EPB41L3: variants seen among roughly 807,000 people sequenced by gnomAD.
EPB41L3 encodes erythrocyte membrane protein band 4.1 like 3.
A neutral mutation model predicts 127.1 loss-of-function variants in EPB41L3; 57 were observed. The ratio of observed to expected loss-of-function variants is 0.45; its 90% CI spans 0.36 to 0.56. The LOEUF is 0.56. EPB41L3 is among the 20% of genes least tolerant of loss of function. The pLI, the probability that EPB41L3 is intolerant of heterozygous loss-of-function variation, is 0.00. For synonymous variants in EPB41L3, 572 were observed against 549.5 expected (o/e 1.04, Z -0.57); for missense variants, 1,273 against 1,372.2 (o/e 0.93, Z 1.14).
chr18:5,395,046 T>C (rs1302411800), intron 21 of EPB41L3, 21 bp downstream of exon 21: 4 of 1,610,938 alleles, frequency 2.5e-6, no homozygotes, highest in South Asian at 1.1e-5. Flanking sequence ...GCCAGGGTAT[T>C]TACCGTCTCA....
chr18:5,606,128 G>A (rs2094649379), intron 3 of EPB41L3, among the ~76,000 whole-genome samples: 1 of 152,106 alleles, frequency 6.6e-6, no homozygotes, highest in Non-Finnish European at 1.5e-5. Flanking sequence ...TTGGTTCTTG[G>A]CCAATTTTTT....
chr18:5,556,460 C>A (rs1206863542), intron 3 of EPB41L3, among the ~76,000 whole-genome samples: 1 of 152,184 alleles, frequency 6.6e-6, no homozygotes, highest in Non-Finnish European at 1.5e-5. Flanking sequence ...GGAGTAGGAA[C>A]ATTTGGTGTT....
intron 3 of EPB41L3, among the ~76,000 whole-genome samples, chr18:5,553,851 G>A (rs567193628): frequency 3.2e-4 from 49 of 152,264 alleles, no homozygotes; most frequent in Admixed American, 1.0e-3. Flanking sequence ...GCCAGATCAC[G>A]TCACTCTTGT....
At chr18:5,506,435 GTCTTCCTTGGCTTAT>G (rs2092208176) in intron 1 of EPB41L3, among the ~76,000 whole-genome samples, 1 of 152,090 alleles carries the variant, frequency 6.6e-6, no homozygotes. Context: ...TGGAACATAT[GTCTTCCTTGGCTTAT>G]TCACCCACTG....
chr18:5,493,849 C>T (rs1364757378), intron 1 of EPB41L3, among the ~76,000 whole-genome samples: 2 of 152,166 alleles, frequency 1.3e-5, no homozygotes, highest in African/African-American at 2.4e-5. Flanking sequence ...CTAGGTGGCA[C>T]CCCTCCTCAT....
At chr18:5,396,170 C>T (rs2073417893) in intron 19 of EPB41L3, 31 bp downstream of exon 19, 1 of 1,613,738 alleles carries the variant, frequency 6.2e-7, no homozygotes. Context: ...AAATAAGCAG[C>T]CAGGGCTCTG....
At chr18:5,523,658 A>AC (rs2148841252) in intron 1 of EPB41L3, among the ~76,000 whole-genome samples, 2 of 152,126 alleles carry the variant, frequency 1.3e-5, no homozygotes, top group South Asian at 4.2e-4. Flanking sequence ...GGTGGCACAT[A>AC]CCTGTAATCC....
At chr18:5,560,087 A>G (rs1472200833) in intron 3 of EPB41L3, among the ~76,000 whole-genome samples, 2 of 152,200 alleles carry the variant, frequency 1.3e-5, no homozygotes, top group African/African-American at 4.8e-5. Context: ...TCCCAATATG[A>G]TTTTGTTTTC....
intron 3 of EPB41L3, among the ~76,000 whole-genome samples, chr18:5,579,669 G>A (rs2094372455): frequency 6.6e-6 from 1 of 152,180 alleles, no homozygotes; most frequent in Non-Finnish European, 1.5e-5. Flanking sequence ...GAGTGACCTT[G>A]TCTATAGGTC....
intron 3 of EPB41L3, among the ~76,000 whole-genome samples, chr18:5,553,533 C>A (rs2093993041): frequency 6.6e-6 from 1 of 152,168 alleles, no homozygotes; most frequent in African/African-American, 2.4e-5. Context: ...AAAAGCTGTG[C>A]CCAAAATGGG....
chr18:5,535,046 CAG>C (rs1258074828), intron 1 of EPB41L3, among the ~76,000 whole-genome samples: 1 of 152,156 alleles, frequency 6.6e-6, no homozygotes, highest in African/African-American at 2.4e-5. Flanking sequence ...CGCCTCCTGT[CAG>C]ATCAGAAGTG....
chr18:5,445,917 C>T (rs574409634), intron 3 of EPB41L3, among the ~76,000 whole-genome samples: 2 of 152,064 alleles, frequency 1.3e-5, no homozygotes, highest in South Asian at 4.2e-4. Context: ...CAGTTTCATC[C>T]CAAAACCATC....
chr18:5,617,473 C>T (rs2094810719), intron 1 of EPB41L3, among the ~76,000 whole-genome samples: 1 of 152,158 alleles, frequency 6.6e-6, no homozygotes, highest in East Asian at 1.9e-4. Context: ...CGCCAGCCAC[C>T]ACACCCGGCT....
intron 1 of EPB41L3, among the ~76,000 whole-genome samples, chr18:5,499,962 C>T (rs1598362919): frequency 2.0e-5 from 3 of 151,862 alleles, no homozygotes; most frequent in Admixed American, 1.3e-4. Flanking sequence ...AAAAAATAAA[C>T]GCTCACTGTT....
intron 16 of EPB41L3, among the ~76,000 whole-genome samples, chr18:5,406,006 A>T (rs1042667533): frequency 2.6e-5 from 4 of 152,204 alleles, no homozygotes; most frequent in African/African-American, 9.6e-5. Flanking sequence ...TGGGTGGATC[A>T]CTTAAGACCT....
At chr18:5,464,833 A>C (rs1221198305) in intron 3 of EPB41L3, among the ~76,000 whole-genome samples, 2 of 152,208 alleles carry the variant, frequency 1.3e-5, no homozygotes, top group Non-Finnish European at 2.9e-5. Flanking sequence ...TCCTCTGCCA[A>C]CGTCCCGAGG....
upstream of EPB41L3, among the ~76,000 whole-genome samples, chr18:5,629,201 T>G (rs968558474): frequency 6.6e-6 from 1 of 151,800 alleles, no homozygotes; most frequent in Admixed American, 6.6e-5. Flanking sequence ...CCCGCACCCT[T>G]TGGCCAGATG....
At chr18:5,616,002 T>C (rs2094790258) in intron 1 of EPB41L3, among the ~76,000 whole-genome samples, 1 of 152,112 alleles carries the variant, frequency 6.6e-6, no homozygotes, top group African/African-American at 2.4e-5. Context: ...TTCTGTTCTC[T>C]TCTGGTTTCC....
intron 3 of EPB41L3, among the ~76,000 whole-genome samples, chr18:5,461,229 C>T (rs1437044658): frequency 6.6e-6 from 1 of 152,142 alleles, no homozygotes; most frequent in African/African-American, 2.4e-5. Context: ...AATGTGGTGC[C>T]TCTTTAGTGA....
Sources: allele counts gnomAD v4.1 joint callset (sites outside exome capture counted in the v4.1 genomes callset), GRCh38; gene constraint gnomAD v4.1.1; transcripts MANE v1.5; gene names NCBI Gene and HGNC (gene_info 2026-07-23, HGNC 2026-07-21).